Variants in LLGL2 observed in about 807,000 individuals in gnomAD.
LLGL2 encodes LLGL scribble cell polarity complex component 2.
A neutral mutation model predicts 123.2 loss-of-function variants in LLGL2; 81 were observed. That is an observed-to-expected ratio of 0.66 (90% CI 0.55 to 0.79). LLGL2 has a LOEUF of 0.79. Among genes scored for constraint, LLGL2 ranks in the 30% least tolerant of loss-of-function variants. The probability of loss-of-function intolerance (pLI) is 0.00; values close to 1 mark genes in which losing one functional copy is unlikely to be tolerated. For synonymous variants in LLGL2, 577 were observed against 594.1 expected (o/e 0.97, Z 0.42); for missense variants, 1,273 against 1,414.6 (o/e 0.90, Z 1.61).
At chr17:75,561,723 C>A (rs1285424096) in intron 6 of LLGL2, among the ~76,000 whole-genome samples, 1 of 152,100 alleles carries the variant, frequency 6.6e-6, no homozygotes, top group East Asian at 1.9e-4. Flanking sequence ...GAGTTCGAGA[C>A]CAGCTTGGGC....
Position 75,571,065 on chromosome 17 carries a change from G to A in LLGL2, c.2141G>A (p.Arg714Gln), listed in dbSNP as rs370964495. 8.8e-5 allele frequency: 142 copies of A among 1,612,682 alleles called. No homozygotes were observed. The highest frequency in any genetic ancestry group is 8.7e-5 in the Non-Finnish European group (103 of 1,179,866). ...SAEDSFTGFV[R>Q]TLYFADTYLK... The stretch of plus-strand genomic sequence containing the variant: ...GAGGACTCCTTCACAGGCTTCGTCC[G>A]GACCCTGTACTTTGCTGACACCTAC... The change falls in exon 17 of 26, where the codon CGG becomes CAG. Residue 714 changes from arginine to glutamine, a missense_variant. Coordinates refer to ENST00000392550, the MANE Select transcript of LLGL2 (RefSeq NM_001031803.2).
At chr17:75,569,450 G>A in intron 14 of LLGL2, 125 bp downstream of exon 14, 1 of 795,574 alleles carries the variant, frequency 1.3e-6, no homozygotes, top group Non-Finnish European at 2.0e-6. Context: ...GTGGATGGAG[G>A]TGGCTTGATC....
chr17:75,540,490 C>T (rs2054165569), intron 1 of LLGL2, among the ~76,000 whole-genome samples: 2 of 152,204 alleles, frequency 1.3e-5, no homozygotes, highest in South Asian at 4.1e-4. Context: ...CACACAAGGC[C>T]ACCAGCCCTG....
chr17:75,538,327 C>T (rs1413288671), intron 1 of LLGL2, among the ~76,000 whole-genome samples: 1 of 152,166 alleles, frequency 6.6e-6, no homozygotes, highest in Non-Finnish European at 1.5e-5. Context: ...TGTCATCTCT[C>T]TCATGTCATC....
intron 17 of LLGL2, 38 bp downstream of exon 17, chr17:75,571,138 T>TTGG: frequency 1.3e-6 from 1 of 747,424 alleles, no homozygotes; most frequent in Non-Finnish European, 2.3e-6. Context: ...CAGGGGGTAG[T>TTGG]GGGCAGCAGA....
Position 75,559,389 on chromosome 17 carries a change from G to A in LLGL2, c.509G>A (p.Ser170Asn), listed in dbSNP as rs2055094261. 4.3e-6 allele frequency: 7 copies of A among 1,611,074 alleles called. No individual in the cohort carries two copies. Among genetic ancestry groups the A allele is most frequent in the Non-Finnish European group, 5.9e-6 (7 of 1,179,002 alleles). The stretch of plus-strand genomic sequence containing the variant: ...CGTGCGCTGGAGGACCGGACCATCA[G>A]CTCGGACGCGGTGCTGCAGCGGTGA... Reference protein sequence around the residue: ...AFRALEDRTISSDAVLQRLPE... With the variant: ...AFRALEDRTINSDAVLQRLPE... Residue 170 changes from serine to asparagine, a missense_variant, in exon 6 of 26, where the codon AGC becomes AAC. Ser to Asn is a conservative substitution (Grantham distance 46). Transcript: ENST00000392550. This position sits in a 1 kb window ranked among gnomAD's most constrained non-coding sequence, Gnocchi z 4.6.
chr17:75,564,554 A>G lies in LLGL2; in HGVS notation c.1036+47A>G, dbSNP rs1229071852. 6.2e-7 allele frequency: 1 copy of G among 1,610,630 alleles called. No homozygotes were observed. Among genetic ancestry groups the G allele is most frequent in the Non-Finnish European group, 8.5e-7 (1 of 1,178,326 alleles). Reference sequence around the variant, plus strand: ...GTGCCCAGGGTTAGGTGTGGGAGGCATGGGGCAGGACCATCAGTAAAGACA... The same window carrying G: ...GTGCCCAGGGTTAGGTGTGGGAGGCGTGGGGCAGGACCATCAGTAAAGACA... On this transcript the variant is annotated intron_variant, in intron 10 of 25. Coordinates refer to ENST00000392550, the MANE Select transcript of LLGL2 (RefSeq NM_001031803.2). This position sits in a 1 kb window ranked among gnomAD's most constrained non-coding sequence, Gnocchi z 4.9.
At chr17:75,567,992 C>T in intron 10 of LLGL2, 2 of 846,614 alleles carry the variant, frequency 2.4e-6, no homozygotes, top group Non-Finnish European at 2.9e-6. Flanking sequence ...ATCCAGCGCA[C>T]ATTTATTGAG....
chr17:75,564,879 A>AAG lies in LLGL2; in HGVS notation c.1036+372_1036+373insAG, dbSNP rs59495109. 0.057 allele frequency among the ~76,000 whole-genome samples: 8,467 copies of AAG among 148,368 alleles called. 303 individuals carry two copies. The highest frequency in any genetic ancestry group is 0.18 in the Middle Eastern group (49 of 272). ...CTGTGTCTCAAAAAAAAAAAAAAAA[A>AAG]GGGCTCTGCACAGATGTTCCTAAGC... On this transcript the variant is annotated intron_variant, in intron 10 of 25. Coordinates refer to ENST00000392550, the MANE Select transcript of LLGL2 (RefSeq NM_001031803.2). The surrounding 1 kb of genome is among the most constrained non-coding windows in gnomAD (Gnocchi z 4.9).
intron 14 of LLGL2, 113 bp from the exon 15 acceptor site, chr17:75,569,850 T>C (rs2055616819): frequency 4.2e-6 from 5 of 1,182,616 alleles, no homozygotes; most frequent in African/African-American, 1.5e-5. Context: ...ACAGAGGCCT[T>C]TGTCCTTCCT....
chr17:75,559,136 T>G lies in LLGL2; in HGVS notation c.372-116T>G. On this transcript the variant is annotated intron_variant, in intron 5 of 25. Transcript: ENST00000392550. This position sits in a 1 kb window ranked among gnomAD's most constrained non-coding sequence, Gnocchi z 4.6. Reference sequence around the variant, plus strand: ...CCAATGTTTGTCCTGGCTTGAAATGTTATGACCTCATTAAAGGGCCTTATG... The same window carrying G: ...CCAATGTTTGTCCTGGCTTGAAATGGTATGACCTCATTAAAGGGCCTTATG... The G allele has an allele frequency of 9.2e-7, 1 of 1,090,962 alleles. No individual in the cohort carries two copies. Among genetic ancestry groups the G allele is most frequent in the South Asian group, 1.7e-5 (1 of 60,220 alleles). The allele number at this position is 1,090,962 out of a possible 1,614,324, so 67.6% of individuals were successfully genotyped here. A position where few individuals can be genotyped will look rare whatever the true frequency, so the allele number is the denominator to read the frequency against.
chr17:75,574,968 A>G lies in LLGL2; in HGVS notation c.*90A>G, dbSNP rs912921578. 21 of 1,587,332 alleles carry G rather than the reference A, an allele frequency of 1.3e-5. No individual in the cohort carries two copies. In the African/African-American group the frequency reaches 2.3e-4, roughly 17 times the overall value. On this transcript the variant is annotated 3_prime_UTR_variant, in exon 26 of 26. Coordinates refer to ENST00000392550, the MANE Select transcript of LLGL2 (RefSeq NM_001031803.2). ...GCCCCAACCGGAGAGGCCGGTGCAC[A>G]GGGCCCCGCCAGGGGCTGGGGGCAT...
At chr17:75,542,476 G>A (rs1341921418) in intron 1 of LLGL2, among the ~76,000 whole-genome samples, 1 of 152,158 alleles carries the variant, frequency 6.6e-6, no homozygotes, top group Non-Finnish European at 1.5e-5. Flanking sequence ...GTCAGCAGGA[G>A]GCTGAGCTAC....
chr17:75,548,984 G>T (rs116376623), intron 2 of LLGL2, among the ~76,000 whole-genome samples: 4 of 152,122 alleles, frequency 2.6e-5, no homozygotes, highest in Admixed American at 2.0e-4. Flanking sequence ...CCATTCTGCA[G>T]GGGAGGAGAC....
rs1598636691 is a variant in LLGL2, at chr17:75,571,802, G to A, written c.2293+19G>A. 7 of 1,604,942 alleles carry A rather than the reference G, an allele frequency of 4.4e-6. No homozygotes were observed. The East Asian group carries it at 1.1e-4, about 26-fold the overall frequency. Reference sequence around the variant, plus strand: ...GAGCAGGGTGAGTGCTGGGCAGGGAGAGCAGAGGGTGCTCGGGCTGCCTGG... The same window carrying A: ...GAGCAGGGTGAGTGCTGGGCAGGGAAAGCAGAGGGTGCTCGGGCTGCCTGG... On this transcript the variant is annotated intron_variant, in intron 18 of 25. Transcript: ENST00000392550.
chr17:75,563,280 G>T, intron 7 of LLGL2, 51 bp from the exon 8 acceptor site: 1 of 1,603,406 alleles, frequency 6.2e-7, no homozygotes, highest in Non-Finnish European at 8.5e-7. Context: ...CGATGGGAAC[G>T]CCGCCTCGGT....
chr17:75,547,105 A>G (rs902673335), intron 2 of LLGL2, among the ~76,000 whole-genome samples: 2 of 152,104 alleles, frequency 1.3e-5, no homozygotes, highest in African/African-American at 4.8e-5. Context: ...TTTGTCCAAC[A>G]CCTTTTGGCT....
In LLGL2 at chr17:75,551,819, C is replaced by T. The variant is rs555418299; in HGVS notation, c.76-4227C>T. ...GCTGCATTGTATAATTATTTAAACA[C>T]GTGAAATTAATTTTAATTATATATT... is the stretch of plus-strand genomic sequence containing the variant. On this transcript the variant is annotated intron_variant, in intron 2 of 25. Coordinates refer to ENST00000392550, the MANE Select transcript of LLGL2 (RefSeq NM_001031803.2). Among the ~76,000 whole-genome samples, 7 of 152,174 alleles carry T rather than the reference C, an allele frequency of 4.6e-5. No homozygotes were observed. In the East Asian group the frequency reaches 7.7e-4, roughly 17 times the overall value.
chr17:75,570,938 C>T lies in LLGL2; in HGVS notation c.2026-12C>T, dbSNP rs770471325. The T allele has an allele frequency of 3.7e-6, 6 of 1,601,370 alleles. No individual in the cohort carries two copies. In the South Asian group the frequency reaches 5.6e-5, roughly 15 times the overall value. ...TCCAGAGCTGACCCTTAGGCTGGCC[C>T]ACCCCTTGCAGGCACAGGAGGGGAG... On this transcript the variant is annotated splice_polypyrimidine_tract_variant and intron_variant, in intron 16 of 25. Transcript: ENST00000392550.
Sources: allele counts gnomAD v4.1 joint callset (sites outside exome capture counted in the v4.1 genomes callset), GRCh38; gene constraint gnomAD v4.1.1; non-coding constraint Gnocchi (gnomAD v3.1); transcripts MANE v1.5; gene names NCBI Gene and HGNC (gene_info 2026-07-23, HGNC 2026-07-21).